Variants in VAV3 observed in about 807,000 individuals in gnomAD.
The protein encoded by VAV3 is guanine nucleotide exchange factor VAV3.
Under a neutral mutation model 131.2 loss-of-function variants are expected in VAV3, and 94 were observed. That is an observed-to-expected ratio of 0.72 (90% confidence interval 0.61 to 0.85). VAV3 has a LOEUF of 0.85. Among genes scored for constraint, VAV3 ranks in the 40% least tolerant of loss-of-function variants. The pLI is 0.00. For missense variants in VAV3, 939 were observed against 1,002.7 expected (o/e 0.94, Z 0.86); for synonymous variants, 349 against 342.0 (o/e 1.02, Z -0.22).
chr1:107,781,410 T>C (rs1247966561), intron 2 of VAV3, among the ~76,000 whole-genome samples: 2 of 152,100 alleles, frequency 1.3e-5, no homozygotes, highest in African/African-American at 2.4e-5. Context: ...CTCACCACAA[T>C]AAAATAAAAA....
chr1:107,613,288 T>C (rs867582467), intron 21 of VAV3, among the ~76,000 whole-genome samples: 3 of 152,244 alleles, frequency 2.0e-5, no homozygotes, highest in South Asian at 4.1e-4. Context: ...TCTGGAAAGT[T>C]CTCAGGCATT....
chr1:107,618,343 G>A (rs1441904740), intron 20 of VAV3, among the ~76,000 whole-genome samples: 4 of 152,086 alleles, frequency 2.6e-5, no homozygotes, highest in East Asian at 1.9e-4. Context: ...GGATACTACC[G>A]GTCTAAGAGA....
intron 21 of VAV3, among the ~76,000 whole-genome samples, chr1:107,613,419 C>T (rs1328206): frequency 0.37 from 56,060 of 151,858 alleles, 10,725 homozygotes; most frequent in Middle Eastern, 0.44. Flanking sequence ...TTAACTGCTC[C>T]TTGAGCAATT....
chr1:107,689,437 C>T (rs1469688383), intron 17 of VAV3, among the ~76,000 whole-genome samples: 4 of 152,110 alleles, frequency 2.6e-5, no homozygotes, highest in African/African-American at 9.7e-5. Flanking sequence ...CTAGCTGCCA[C>T]AGATTGCTTT....
chr1:107,931,215 T>C (rs1344859229), intron 1 of VAV3, among the ~76,000 whole-genome samples: 2 of 152,188 alleles, frequency 1.3e-5, no homozygotes, highest in Admixed American at 1.3e-4. Flanking sequence ...TTGCTCACTT[T>C]GTTAGATGTG....
chr1:107,884,682 T>C (rs1670948769), intron 1 of VAV3, among the ~76,000 whole-genome samples: 1 of 151,812 alleles, frequency 6.6e-6, no homozygotes, highest in South Asian at 2.1e-4. Flanking sequence ...ACTCCTAGGT[T>C]CAAATGATCC....
intron 15 of VAV3, among the ~76,000 whole-genome samples, chr1:107,708,838 T>C (rs554007331): frequency 6.6e-6 from 1 of 152,002 alleles, no homozygotes; most frequent in Non-Finnish European, 1.5e-5. Flanking sequence ...GTGATTCAAT[T>C]TTTCCTTCCC....
intron 2 of VAV3, among the ~76,000 whole-genome samples, chr1:107,827,982 G>C (rs1369569177): frequency 6.6e-6 from 1 of 152,154 alleles, no homozygotes; most frequent in African/African-American, 2.4e-5. Context: ...GATGATCTGG[G>C]ACATGGGAGT....
In VAV3 at chr1:107,874,936, C is replaced by T; in HGVS notation, c.286G>A (p.Ala96Thr). The T allele has an allele frequency of 6.2e-7, 1 of 1,613,296 alleles. No homozygotes were observed. The highest frequency in any genetic ancestry group is 1.1e-5 in the South Asian group (1 of 91,070). Residue 96 changes from alanine (A) to threonine (T), a missense_variant, in exon 2 of 27, where the codon GCA (alanine) becomes ACA (threonine). Physicochemically the swap from Ala to Thr is moderately conservative, Grantham distance 58. Transcript: ENST00000370056. ...TCACGAACATCAAACAAGTCAAATGCCTCGAAAAGTTCACTTTTCCTCATT... is the reference window on the plus strand; with the variant it reads ...TCACGAACATCAAACAAGTCAAATGTCTCGAAAAGTTCACTTTTCCTCATT... ...FGMRKSELFE[A>T]FDLFDVRDFG... is the part of the protein sequence containing the mutation.
chr1:107,573,219 A>G lies in VAV3; in HGVS notation c.*112T>C. Reference sequence around the variant, plus strand: ...AGGGGCTAAGGAGGGAGGATGTTGAACAGCCAGAAATGCAGCTTTTTAAAC... The same window carrying G: ...AGGGGCTAAGGAGGGAGGATGTTGAGCAGCCAGAAATGCAGCTTTTTAAAC... On this transcript the variant is annotated 3_prime_UTR_variant, in exon 27 of 27. Transcript: ENST00000370056. 3 of 1,234,426 alleles carry G rather than the reference A, an allele frequency of 2.4e-6. No homozygotes were observed. Among genetic ancestry groups the G allele is most frequent in the Non-Finnish European group, 3.4e-6 (3 of 875,498 alleles). 76.5% of individuals were successfully genotyped at this position (1,234,426 alleles called of 1,614,324 possible).
chr1:107,664,967 G>A (rs1219264440), intron 19 of VAV3, among the ~76,000 whole-genome samples: 2 of 152,202 alleles, frequency 1.3e-5, no homozygotes, highest in Non-Finnish European at 2.9e-5. Context: ...CCAGATCTCT[G>A]CTATTGCAGG....
At chr1:107,897,731 T>C (rs1671664365) in intron 1 of VAV3, among the ~76,000 whole-genome samples, 1 of 152,136 alleles carries the variant, frequency 6.6e-6, no homozygotes, top group African/African-American at 2.4e-5. Flanking sequence ...TGGTACTTCC[T>C]GAATGGCAGC....
At chr1:107,681,398 G>A (rs1451123608) in intron 19 of VAV3, among the ~76,000 whole-genome samples, 8 of 152,224 alleles carry the variant, frequency 5.3e-5, no homozygotes, top group East Asian at 1.9e-4. Context: ...ATCAAGGCAC[G>A]CTGGTCATCA....
chr1:107,690,930 T>C (rs1305509966), intron 17 of VAV3, among the ~76,000 whole-genome samples: 2 of 152,130 alleles, frequency 1.3e-5, no homozygotes, highest in African/African-American at 4.8e-5. Context: ...GCCACATAAA[T>C]AGCAGCTCCT....
intron 25 of VAV3, among the ~76,000 whole-genome samples, chr1:107,585,242 A>G (rs1018077209): frequency 2.0e-5 from 3 of 152,162 alleles, no homozygotes; most frequent in Non-Finnish European, 4.4e-5. Flanking sequence ...CACCCTCAAA[A>G]TATAAATATA....
At chr1:107,623,349 T>C (rs4514261) in intron 20 of VAV3, among the ~76,000 whole-genome samples, 58,114 of 152,016 alleles carry the variant, frequency 0.38, 11,590 homozygotes, top group East Asian at 0.48. Flanking sequence ...TATAATATTG[T>C]TTCTTGATTA....
chr1:107,816,851 C>T (rs1667581203), intron 2 of VAV3, among the ~76,000 whole-genome samples: 1 of 152,122 alleles, frequency 6.6e-6, no homozygotes, highest in African/African-American at 2.4e-5. Context: ...AGGGATGGTC[C>T]CCAAATCACA....
At chr1:107,934,890 T>C (rs1673632519) in intron 1 of VAV3, among the ~76,000 whole-genome samples, 1 of 152,258 alleles carries the variant, frequency 6.6e-6, no homozygotes, top group African/African-American at 2.4e-5. Context: ...GGAGACGTGC[T>C]ACAAGAAACA....
At chr1:107,643,213 G>A (rs1655488392) in intron 19 of VAV3, among the ~76,000 whole-genome samples, 1 of 152,092 alleles carries the variant, frequency 6.6e-6, no homozygotes, top group South Asian at 2.1e-4. Flanking sequence ...CATATCTTAA[G>A]GTTATCTTTG....
Sources: allele counts gnomAD v4.1 joint callset (sites outside exome capture counted in the v4.1 genomes callset), GRCh38; gene constraint gnomAD v4.1.1; transcripts MANE v1.5; gene names NCBI Gene and HGNC (gene_info 2026-07-23, HGNC 2026-07-21).